Variants in SLC6A7 observed in about 807,000 individuals in gnomAD.
SLC6A7 encodes sodium-dependent proline transporter.
Under a neutral mutation model 73.1 loss-of-function variants are expected in SLC6A7, and 58 were observed. That is an observed-to-expected ratio of 0.79 (90% CI 0.64 to 0.99). The LOEUF (loss-of-function observed/expected upper bound fraction) is 0.99. Among genes scored for constraint, SLC6A7 ranks in the 50% least tolerant of loss-of-function variants. The probability of loss-of-function intolerance (pLI) is 0.00; values close to 1 mark genes in which losing one functional copy is unlikely to be tolerated. For missense variants in SLC6A7, 783 were observed against 831.4 expected, an observed-to-expected ratio of 0.94 and a Z score of 0.72; for synonymous variants, 338 against 338.7, an observed-to-expected ratio of 1.00 and a Z score of 0.02.
In SLC6A7 at chr5:150,204,844, C is replaced by G; in HGVS notation, c.1450C>G (p.Arg484Gly). ...TRVYGIQRFC[R>G]DIHMMLGFKP... ...CTGTGCAGGCATTCAGAGGTTCTGC[C>G]GAGACATCCACATGATGCTGGGCTT... The change falls in exon 12 of 14, where the codon CGA (arginine) becomes GGA (glycine). Residue 484 changes from arginine (R) to glycine (G), a missense_variant. Coordinates refer to ENST00000230671, the MANE Select transcript of SLC6A7 (RefSeq NM_014228.5). The G allele has an allele frequency of 1.2e-6, 2 of 1,612,022 alleles. No homozygotes were observed. The highest frequency in any genetic ancestry group is 1.7e-6 in the Non-Finnish European group (2 of 1,178,486).
rs1052431057 is a variant in SLC6A7 at position 150,197,350 on chromosome 5, C to A, written c.584+74C>A. The stretch of plus-strand genomic sequence containing the variant: ...GAGGGTGGCCAGAGGGCATCCCCCA[C>A]AGTCTCAGCATGTACCGCCAAGATG... On this transcript the variant is annotated intron_variant, in intron 4 of 13. Coordinates refer to ENST00000230671, the MANE Select transcript of SLC6A7 (RefSeq NM_014228.5). The A allele has an allele frequency of 7.3e-6, 7 of 960,492 alleles. 1 individual carries two copies. The highest frequency in any genetic ancestry group is 4.9e-5 in the African/African-American group (3 of 60,906). The allele number at this position is 960,492 out of a possible 1,614,324, so 59.5% of individuals were successfully genotyped here.
In SLC6A7 at chr5:150,197,854, A is replaced by C. The variant is rs1370430504; in HGVS notation, c.584+578A>C. ...ACTCCTCTAATAGAGATAGGACTAT[A>C]ATAGAGTAAGGGACTGTCATCAGAA... On this transcript the variant is annotated intron_variant, in intron 4 of 13. Transcript: ENST00000230671. 2.0e-5 allele frequency among the ~76,000 whole-genome samples: 3 copies of C among 152,244 alleles called. No individual in the cohort carries two copies. In the East Asian group the frequency reaches 5.8e-4, roughly 29 times the overall value.
chr5:150,201,755 T>G (rs1252346957), intron 6 of SLC6A7, among the ~76,000 whole-genome samples: 3 of 152,162 alleles, frequency 2.0e-5, no homozygotes, highest in Non-Finnish European at 4.4e-5. Context: ...GTGACAATGG[T>G]GATAACAATG....
At chr5:150,196,351 G>C (rs962693285) in intron 2 of SLC6A7, among the ~76,000 whole-genome samples, 1 of 152,194 alleles carries the variant, frequency 6.6e-6, no homozygotes, top group African/African-American at 2.4e-5. Flanking sequence ...CGGCATGGTG[G>C]GGAGGGGCAG....
At chr5:150,203,864 T>TGTGTGG (rs59147773) in intron 9 of SLC6A7, 43 bp from the exon 10 acceptor site, 1 of 1,538,016 alleles carries the variant, frequency 6.5e-7, no homozygotes, top group Non-Finnish European at 8.9e-7. Flanking sequence ...TGTGTGTGTG[T>TGTGTGG]TGGGGATAGA....
chr5:150,194,273 C>G (rs1752912339), intron 1 of SLC6A7, among the ~76,000 whole-genome samples: 1 of 151,926 alleles, frequency 6.6e-6, no homozygotes, highest in African/African-American at 2.4e-5. Context: ...ACTAAAAATA[C>G]AAAACATTAG....
At position 150,203,910 on chromosome 5, in the gene SLC6A7, G is replaced by A. The variant is rs1753537560; in HGVS notation, c.1204G>A (p.Ala402Thr). The change falls in exon 10 of 14, where the codon GCT becomes ACT. Residue 402 changes from alanine (A) to threonine (T), a missense_variant. Ala to Thr is a moderately conservative substitution (Grantham distance 58, BLOSUM62 0). Transcript: ENST00000230671. ...LLTLGLDSQFAFLETIVTAVT... is the reference protein window; with the variant it reads ...LLTLGLDSQFTFLETIVTAVT... ...CCAGCCCCTCCTCTCTCCTCAGTTTGCTTTTCTGGAGACCATTGTGACAGC... is the reference window on the plus strand; with the variant it reads ...CCAGCCCCTCCTCTCTCCTCAGTTTACTTTTCTGGAGACCATTGTGACAGC... 6.2e-7 allele frequency: 1 copy of A among 1,609,906 alleles called. No homozygotes were observed. Among genetic ancestry groups the A allele is most frequent in the Admixed American group, 1.7e-5 (1 of 59,676 alleles).
At chr5:150,200,430 T>C (rs755561696) in intron 5 of SLC6A7, among the ~76,000 whole-genome samples, 15 of 152,168 alleles carry the variant, frequency 9.9e-5, no homozygotes, top group Non-Finnish European at 1.9e-4. Flanking sequence ...GAGACGGTAG[T>C]TGCAGTGAGC....
In SLC6A7 at chr5:150,194,767, G is replaced by A. The variant is rs769832668; in HGVS notation, c.73G>A (p.Gly25Ser). The A allele has an allele frequency of 6.2e-7, 1 of 1,614,098 alleles. No homozygotes were observed. Among genetic ancestry groups the A allele is most frequent in the Non-Finnish European group, 8.5e-7 (1 of 1,180,010 alleles). Reference protein sequence around the residue: ...PDLLMTPSDQGDVDLDVDFAA... With the variant: ...PDLLMTPSDQSDVDLDVDFAA... ...CCTGCTGATGACCCCCAGTGACCAG[G>A]GCGATGTCGACCTGGATGTGGACTT... The change falls in exon 2 of 14, where the codon GGC becomes AGC. Residue 25 changes from glycine (G) to serine (S), a missense_variant. Gly to Ser is a moderately conservative substitution (Grantham distance 56). Coordinates refer to ENST00000230671, the MANE Select transcript of SLC6A7 (RefSeq NM_014228.5).
Position 150,204,880 on chromosome 5 carries a change from CT to C in SLC6A7, c.1487del (p.Leu496ProfsTer46), listed in dbSNP as rs748142472. The C allele has an allele frequency of 1.2e-4, 200 of 1,605,472 alleles. No individual in the cohort carries two copies. Among genetic ancestry groups the C allele is most frequent in the Non-Finnish European group, 1.6e-4 (190 of 1,174,184 alleles). The part of the protein sequence containing the change: ...IHMMLGFKPG[L>X]YFRACWLFLS... ...CATGATGCTGGGCTTCAAGCCGGGCCTCTACTTCAGGGCCTGCTGGCTGTTC... is the reference window on the plus strand; with the variant it reads ...CATGATGCTGGGCTTCAAGCCGGGCCCTACTTCAGGGCCTGCTGGCTGTTC... On this transcript the variant is annotated frameshift_variant, in exon 12 of 14. Coordinates refer to ENST00000230671, the MANE Select transcript of SLC6A7 (RefSeq NM_014228.5). LOFTEE classifies it high-confidence loss of function.
Position 150,194,877 on chromosome 5 carries a change from G to T in SLC6A7, c.183G>T (p.Trp61Cys). Reference sequence around the variant, plus strand: ...ACTGTGTAGGCCTGGGGAATGTCTGGCGCTTCCCCTATCGAGCGTACACCA... The same window carrying T: ...ACTGTGTAGGCCTGGGGAATGTCTGTCGCTTCCCCTATCGAGCGTACACCA... ...IGYCVGLGNV[W>C]RFPYRAYTNG... The change falls in exon 2 of 14, where the codon TGG (tryptophan) becomes TGT (cysteine). Residue 61 changes from tryptophan to cysteine, a missense_variant. Transcript: ENST00000230671. 1 of 1,614,158 alleles carries T rather than the reference G, an allele frequency of 6.2e-7. No homozygotes were observed. The highest frequency in any genetic ancestry group is 1.1e-5 in the South Asian group (1 of 91,080).
chr5:150,190,418 G>C, intron 1 of SLC6A7, 58 bp downstream of exon 1: 1 of 1,253,706 alleles, frequency 8.0e-7, no homozygotes. Flanking sequence ...GGAGAGACCC[G>C]CCCCCAACGA....
In SLC6A7 at chr5:150,194,776, G is replaced by A. The variant is rs199699903; in HGVS notation, c.82G>A (p.Asp28Asn). The A allele has an allele frequency of 9.2e-5, 148 of 1,613,980 alleles. No homozygotes were observed. Among genetic ancestry groups the A allele is most frequent in the Middle Eastern group, 6.6e-4 (4 of 6,084 alleles). ...LMTPSDQGDV[D>N]LDVDFAAHRG... The stretch of plus-strand genomic sequence containing the variant: ...GACCCCCAGTGACCAGGGCGATGTC[G>A]ACCTGGATGTGGACTTTGCTGCACA... Residue 28 changes from aspartate to asparagine, a missense_variant, in exon 2 of 14, where the codon GAC becomes AAC. Asp to Asn is a conservative substitution (Grantham distance 23, BLOSUM62 1). Coordinates refer to ENST00000230671, the MANE Select transcript of SLC6A7 (RefSeq NM_014228.5).
At chr5:150,206,921 C>T (rs1331007700) in intron 13 of SLC6A7, among the ~76,000 whole-genome samples, 2 of 152,212 alleles carry the variant, frequency 1.3e-5, no homozygotes, top group Non-Finnish European at 2.9e-5. Context: ...GCCCTGCTGC[C>T]CTGTCCCACA....
chr5:150,202,250 C>T (rs1477800744), intron 6 of SLC6A7, 97 bp from the exon 7 acceptor site: 23 of 854,274 alleles, frequency 2.7e-5, no homozygotes, highest in East Asian at 2.7e-4. Flanking sequence ...CTCGTGACCA[C>T]GCCATCCCTG....
At chr5:150,193,646 G>T (rs577147260) in intron 1 of SLC6A7, among the ~76,000 whole-genome samples, 36 of 152,224 alleles carry the variant, frequency 2.4e-4, no homozygotes, top group South Asian at 8.3e-4. Context: ...CTCCCTCAGG[G>T]GAACCCCCAG....
In SLC6A7 at chr5:150,205,549, G is replaced by A. The variant is rs777422106; in HGVS notation, c.1627G>A (p.Gly543Ser). The part of the protein sequence containing the change: ...PWAELLGILM[G>S]LLSCLMIPAG... ...GGCTGAGCTGCTGGGCATCCTGATG[G>A]GCCTGCTGTCCTGCCTCATGATCCC... The change falls in exon 13 of 14, where the codon GGC becomes AGC. Residue 543 changes from glycine to serine, a missense_variant. Physicochemically the swap from Gly to Ser is moderately conservative, Grantham distance 56 (BLOSUM62 0). Transcript: ENST00000230671. The A allele has an allele frequency of 7.4e-6, 12 of 1,613,636 alleles. No individual in the cohort carries two copies. In the East Asian group the frequency reaches 2.7e-4, roughly 36 times the overall value.
In SLC6A7 at chr5:150,204,523, G is replaced by T. The variant is rs971709741; in HGVS notation, c.1333-9G>T. On this transcript the variant is annotated splice_polypyrimidine_tract_variant and intron_variant, in intron 10 of 13. Transcript: ENST00000230671. ...GGAAGGGGACACCAGAACTGTGCTTGTGTTTTAGGGGGGCATGTACTGGCT... is the reference window on the plus strand; with the variant it reads ...GGAAGGGGACACCAGAACTGTGCTTTTGTTTTAGGGGGGCATGTACTGGCT... 1 of 1,608,314 alleles carries T rather than the reference G, an allele frequency of 6.2e-7. No homozygotes were observed. Among genetic ancestry groups the T allele is most frequent in the Non-Finnish European group, 8.5e-7 (1 of 1,174,610 alleles).
intron 2 of SLC6A7, among the ~76,000 whole-genome samples, chr5:150,196,375 A>AG (rs1458270538): frequency 6.6e-6 from 1 of 151,952 alleles, no homozygotes; most frequent in East Asian, 1.9e-4. Context: ...GATAGAGGGG[A>AG]GCCGGATTCT....
Sources: allele counts gnomAD v4.1 joint callset (sites outside exome capture counted in the v4.1 genomes callset), GRCh38; gene constraint gnomAD v4.1.1; transcripts MANE v1.5; gene names NCBI Gene and HGNC (gene_info 2026-07-23, HGNC 2026-07-21).